The following RHOBTB1 variants were observed in gnomAD, a reference collection of about 807,000 sequenced individuals.
RHOBTB1 encodes the protein Rho related BTB domain containing 1.
A neutral mutation model predicts 71.6 loss-of-function variants in RHOBTB1; 40 were observed. The ratio of observed to expected loss-of-function variants is 0.56; its 90% CI spans 0.43 to 0.73. The LOEUF is 0.73. Ranked by LOEUF, RHOBTB1 falls within the 30% of genes least tolerant of loss-of-function variation. The probability of loss-of-function intolerance (pLI) is 0.00; values close to 1 mark genes in which losing one functional copy is unlikely to be tolerated. For synonymous variants in RHOBTB1, 319 were observed against 334.9 expected (o/e 0.95, Z 0.52); for missense variants, 797 against 894.0 (o/e 0.89, Z 1.38).
At chr10:60,864,803 C>T (rs905673059), downstream of RHOBTB1, among the ~76,000 whole-genome samples, 7 of 152,080 alleles carry the variant, frequency 4.6e-5, no homozygotes, top group Non-Finnish European at 8.8e-5. Flanking sequence ...AGTGATTCTC[C>T]TGCCTTAGCC....
At chr10:60,941,184 C>T (rs2084884430) in intron 2 of RHOBTB1, among the ~76,000 whole-genome samples, 1 of 152,152 alleles carries the variant, frequency 6.6e-6, no homozygotes, top group African/African-American at 2.4e-5. Context: ...AATTTTTCAA[C>T]TAGAGAGTTT....
intron 2 of RHOBTB1, among the ~76,000 whole-genome samples, chr10:60,929,801 T>A (rs942105587): frequency 6.6e-6 from 1 of 152,110 alleles, no homozygotes; most frequent in Non-Finnish European, 1.5e-5. Flanking sequence ...AATAAACCAA[T>A]GTCAGATTAA....
chr10:60,867,831 C>T (rs2080644244), downstream of RHOBTB1, among the ~76,000 whole-genome samples: 1 of 152,188 alleles, frequency 6.6e-6, no homozygotes, highest in Non-Finnish European at 1.5e-5. Flanking sequence ...TATTGCCACA[C>T]CAGTGTCTTC....
chr10:61,001,023 T>G (rs1212024213), intron 1 of RHOBTB1, among the ~76,000 whole-genome samples: 1 of 151,972 alleles, frequency 6.6e-6, no homozygotes, highest in Non-Finnish European at 1.5e-5. Flanking sequence ...CTAATCCCTC[T>G]GGCCACCCCC....
chr10:60,969,594 T>C (rs73266095), intron 2 of RHOBTB1, among the ~76,000 whole-genome samples: 1,804 of 152,164 alleles, frequency 0.012, 41 homozygotes, highest in African/African-American at 0.041. Context: ...AGACAGATTA[T>C]GGCTCAATTA....
intron 2 of RHOBTB1, among the ~76,000 whole-genome samples, chr10:60,977,036 T>C (rs1294064551): frequency 6.6e-6 from 1 of 152,046 alleles, no homozygotes; most frequent in Non-Finnish European, 1.5e-5. Context: ...TCTTGAGATC[T>C]GTAAATGAAG....
intron 2 of RHOBTB1, among the ~76,000 whole-genome samples, chr10:60,936,495 C>T (rs1235617441): frequency 6.6e-6 from 1 of 152,178 alleles, no homozygotes; most frequent in Non-Finnish European, 1.5e-5. Flanking sequence ...CCGCCTACAT[C>T]CCTCCTATAT....
upstream of RHOBTB1, among the ~76,000 whole-genome samples, chr10:60,946,926 G>T (rs762209036): frequency 6.6e-6 from 1 of 152,292 alleles, no homozygotes; most frequent in Non-Finnish European, 1.5e-5. Flanking sequence ...AAATAAGTTG[G>T]TATCAACAGT....
At chr10:60,933,024 A>T (rs1487602739) in intron 2 of RHOBTB1, among the ~76,000 whole-genome samples, 1 of 152,250 alleles carries the variant, frequency 6.6e-6, no homozygotes, top group African/African-American at 2.4e-5. Flanking sequence ...TATGCTCGTT[A>T]GGACTAGGCT....
intron 1 of RHOBTB1, among the ~76,000 whole-genome samples, chr10:60,996,628 C>T (rs2087061664): frequency 6.6e-6 from 1 of 152,166 alleles, no homozygotes. Context: ...GCATTTTTCT[C>T]AGGAGGACGT....
chr10:60,927,689 C>T (rs961988049), intron 2 of RHOBTB1, among the ~76,000 whole-genome samples: 3 of 152,182 alleles, frequency 2.0e-5, no homozygotes, highest in African/African-American at 7.2e-5. Context: ...AGACACCTGT[C>T]TCATGCTGTA....
chr10:60,994,264 G>A (rs2086969234), intron 1 of RHOBTB1, among the ~76,000 whole-genome samples: 1 of 152,080 alleles, frequency 6.6e-6, no homozygotes. Flanking sequence ...GTAAGGATGA[G>A]GATAAGCAAT....
intron 4 of RHOBTB1, among the ~76,000 whole-genome samples, chr10:60,906,157 G>A (rs1357911328): frequency 6.6e-6 from 1 of 152,180 alleles, no homozygotes; most frequent in Admixed American, 6.5e-5. Flanking sequence ...AGAAATTGCT[G>A]GGGATAAGGG....
intron 10 of RHOBTB1, 177 bp downstream of exon 10, chr10:60,872,008 C>A (rs2132164707): frequency 7.6e-6 from 5 of 656,878 alleles, no homozygotes; most frequent in East Asian, 5.4e-5. Flanking sequence ...TCTCCAAAGA[C>A]AATTCCCAGC....
chr10:60,934,275 TC>T (rs954559212), intron 2 of RHOBTB1, among the ~76,000 whole-genome samples: 1 of 152,244 alleles, frequency 6.6e-6, no homozygotes, highest in African/African-American at 2.4e-5. Context: ...CCTGAAACCT[TC>T]TTTTCAGTCC....
At position 60,880,976 on chromosome 10, in the gene RHOBTB1, C is replaced by T. The variant is rs1050496994; in HGVS notation, c.1576-2918G>A. ...GATTAGTGATATGGTTTGGCTGTGC[C>T]CCACTCAAATCCCATCTTGAATTAT... On this transcript the variant is annotated intron_variant, in intron 7 of 10. Coordinates refer to ENST00000337910, the MANE Select transcript of RHOBTB1 (RefSeq NM_014836.5). Among the ~76,000 whole-genome samples, 3 of 152,144 alleles carry T rather than the reference C, an allele frequency of 2.0e-5. No individual in the cohort carries two copies. In the South Asian group the frequency reaches 6.2e-4, roughly 32 times the overall value.
intron 4 of RHOBTB1, among the ~76,000 whole-genome samples, chr10:60,904,997 C>T (rs10821855): frequency 0.18 from 26,755 of 152,066 alleles, 2,868 homozygotes; most frequent in African/African-American, 0.3. Flanking sequence ...ATAAAAAGCA[C>T]ATGCATTGCT....
At chr10:60,902,060 C>T (rs551276230) in intron 4 of RHOBTB1, among the ~76,000 whole-genome samples, 6 of 152,334 alleles carry the variant, frequency 3.9e-5, no homozygotes, top group Admixed American at 6.5e-5. Context: ...CAATTTCATC[C>T]TGGGGACAAG....
At chr10:60,915,290 T>A (rs1460859718) in intron 2 of RHOBTB1, among the ~76,000 whole-genome samples, 4 of 152,230 alleles carry the variant, frequency 2.6e-5, no homozygotes, top group Admixed American at 1.3e-4. Context: ...GGATAATGAC[T>A]GTCTGGTTTC....
Sources: allele counts gnomAD v4.1 joint callset (sites outside exome capture counted in the v4.1 genomes callset), GRCh38; gene constraint gnomAD v4.1.1; transcripts MANE v1.5; gene names NCBI Gene and HGNC (gene_info 2026-07-23, HGNC 2026-07-21).